Variants in QRICH2 observed in about 807,000 individuals in gnomAD.
QRICH2 encodes the protein glutamine-rich protein 2.
In QRICH2, 119 loss-of-function variants were observed where a neutral mutation model predicts 168.3. The ratio of observed to expected loss-of-function variants is 0.71; its 90% CI spans 0.61 to 0.82. The LOEUF (loss-of-function observed/expected upper bound fraction) is 0.82, where lower values mean the gene tolerates loss of function less well. Among genes scored for constraint, QRICH2 ranks in the 40% least tolerant of loss-of-function variants. The pLI is 0.00. For missense variants in QRICH2, 2,241 were observed against 2,491.6 expected, an observed-to-expected ratio of 0.90 and a Z score of 2.14; for synonymous variants, 894 against 951.2, an observed-to-expected ratio of 0.94 and a Z score of 1.11.
chr17:76,276,360 G>A (rs1244251398), intron 17 of QRICH2, among the ~76,000 whole-genome samples: 1 of 152,218 alleles, frequency 6.6e-6, no homozygotes, highest in South Asian at 2.1e-4. Context: ...GCACTGTGCT[G>A]AGTTTTGAAG....
At chr17:76,296,461 G>C (rs1351474839) in intron 3 of QRICH2, among the ~76,000 whole-genome samples, 1 of 152,100 alleles carries the variant, frequency 6.6e-6, no homozygotes, top group African/African-American at 2.4e-5. Context: ...GGGAGATTCA[G>C]GCAACTGAAG....
intron 18 of QRICH2, among the ~76,000 whole-genome samples, 182 bp from the exon 19 acceptor site, chr17:76,274,442 A>G (rs2070636686): frequency 6.6e-6 from 1 of 152,232 alleles, no homozygotes. Context: ...GCTCCTAAGC[A>G]GTCATGAAGC....
intron 4 of QRICH2, 149 bp from the exon 5 acceptor site, chr17:76,290,226 A>G (rs1598489527): frequency 5.5e-6 from 3 of 540,674 alleles, no homozygotes; most frequent in Admixed American, 3.0e-5. Context: ...TGGGAAAGGG[A>G]GGTGGGAAGA....
intron 17 of QRICH2, among the ~76,000 whole-genome samples, 162 bp from the exon 18 acceptor site, chr17:76,276,109 G>A (rs377078417): frequency 1.3e-5 from 2 of 151,106 alleles, no homozygotes; most frequent in Admixed American, 6.6e-5. Context: ...CCAGAGAAGC[G>A]GTCTTCATTC....
chr17:76,277,134 T>A (rs779670606), intron 16 of QRICH2, 29 bp downstream of exon 16: 2 of 1,523,958 alleles, frequency 1.3e-6, no homozygotes, highest in South Asian at 1.3e-5. Context: ...AGGGCCTCCC[T>A]CCCTGGTGGC....
At chr17:76,305,550 C>A (rs1340551916) in intron 1 of QRICH2, among the ~76,000 whole-genome samples, 1 of 152,276 alleles carries the variant, frequency 6.6e-6, no homozygotes, top group South Asian at 2.1e-4. Flanking sequence ...AGTGGGGGAC[C>A]TGGCTGGTAG....
intron 7 of QRICH2, among the ~76,000 whole-genome samples, chr17:76,282,404 CTT>C (rs2070806766): frequency 6.6e-6 from 1 of 152,224 alleles, no homozygotes; most frequent in Non-Finnish European, 1.5e-5. Flanking sequence ...GAGAACATCT[CTT>C]CTTTAGCTAA....
chr17:76,287,122 G>A (rs2143241445), intron 7 of QRICH2, 70 bp downstream of exon 7: 1 of 937,476 alleles, frequency 1.1e-6, no homozygotes, highest in East Asian at 2.7e-5. Flanking sequence ...ATGAGAGGTG[G>A]GAGGGCAGGG....
In QRICH2 at chr17:76,281,757, C is replaced by G; in HGVS notation, c.4263+107G>C. 7.0e-7 allele frequency: 1 copy of G among 1,422,658 alleles called. No individual in the cohort carries two copies. The highest frequency in any genetic ancestry group is 9.7e-7 in the Non-Finnish European group (1 of 1,033,834). The allele number at this position is 1,422,658 out of a possible 1,614,324, so 88.1% of individuals were successfully genotyped here. ...AAAGGGCTCCGCCACGGAGAGCTGA[C>G]CTTGAGGCCCAAACACCCGCCCCAC... On this transcript the variant is annotated intron_variant, in intron 8 of 18. Coordinates refer to ENST00000680821, the MANE Select transcript of QRICH2 (RefSeq NM_001388453.1). This position sits in a 1 kb window ranked among gnomAD's most constrained non-coding sequence, Gnocchi z 4.4.
In QRICH2 at chr17:76,292,629, C is replaced by T; in HGVS notation, c.2098G>A (p.Val700Met). 1.2e-6 allele frequency: 2 copies of T among 1,611,030 alleles called. No homozygotes were observed. Among genetic ancestry groups the T allele is most frequent in the Non-Finnish European group, 1.7e-6 (2 of 1,179,152 alleles). ...LVQPGADQID[V>M]VQPGADQHGL... The stretch of plus-strand genomic sequence containing the variant: ...TGCTGATCTGCACCAGGTTGCACCA[C>T]ATCAATCTGATCTGCACCAGGTTGG... Residue 700 changes from valine to methionine, a missense_variant, in exon 4 of 19, where the codon GTG becomes ATG. Coordinates refer to ENST00000680821, the MANE Select transcript of QRICH2 (RefSeq NM_001388453.1).
intron 16 of QRICH2, 115 bp downstream of exon 16, chr17:76,277,048 G>T: frequency 1.7e-6 from 2 of 1,152,592 alleles, no homozygotes; most frequent in South Asian, 3.2e-5. Flanking sequence ...GTCTGATTAA[G>T]GAATTGCCTC....
chr17:76,292,182 G>A lies in QRICH2; in HGVS notation c.2545C>T (p.His849Tyr), dbSNP rs573451023. 2.2e-5 allele frequency: 33 copies of A among 1,500,728 alleles called. No individual in the cohort carries two copies. The highest frequency in any genetic ancestry group is 3.5e-4 in the Middle Eastern group (2 of 5,670). The allele number at this position is 1,500,728 out of a possible 1,614,324, so 93.0% of individuals were successfully genotyped here. ...RGLVQPGAVQ[H>Y]GLVQPGADQR... ...TCTGCACCAGGTTGGACCAAACCAT[G>A]CTGAACTGCACCAGGTTGGACCAAA... The change falls in exon 4 of 19, where the codon CAT (histidine) becomes TAT (tyrosine). Residue 849 changes from histidine (H) to tyrosine (Y), a missense_variant. By Grantham distance (83) the His-to-Tyr change is moderately conservative. Transcript: ENST00000680821.
In QRICH2 at chr17:76,284,168, CAAAAAAAAAAAAA is replaced by C. The variant is rs61553346; in HGVS notation, c.4012-2066_4012-2054del. Among the ~76,000 whole-genome samples the C allele has an allele frequency of 1.7e-3, 109 of 62,750 alleles. 8 individuals are homozygous for C. In the South Asian group the frequency reaches 0.037, roughly 22 times the overall value. 41.2% of individuals were successfully genotyped at this position (62,750 alleles called of 152,430 possible). Reference sequence around the variant, plus strand: ...GGGCAACAGAGCAAAACTCTGTCTCCAAAAAAAAAAAAAAAAAAAAAAAAAAAATGCACAAAGA... The same window carrying C: ...GGGCAACAGAGCAAAACTCTGTCTCCAAAAAAAAAAAAAAATGCACAAAGA... On this transcript the variant is annotated intron_variant, in intron 7 of 18. Coordinates refer to ENST00000680821, the MANE Select transcript of QRICH2 (RefSeq NM_001388453.1).
chr17:76,274,403 G>A (rs2070635616), intron 18 of QRICH2, 143 bp from the exon 19 acceptor site: 1 of 356,122 alleles, frequency 2.8e-6, no homozygotes, highest in African/African-American at 2.2e-5. Flanking sequence ...AGCTGCCGGG[G>A]CCGGGGGGCA....
chr17:76,300,515 G>A (rs893798611), intron 3 of QRICH2, among the ~76,000 whole-genome samples: 4 of 152,144 alleles, frequency 2.6e-5, no homozygotes, highest in Admixed American at 6.5e-5. Flanking sequence ...GGTTGGTAGA[G>A]TCCTTTAGCA....
At chr17:76,310,051 T>C (rs2071053519), upstream of QRICH2, 1 of 150,664 alleles carries the variant, frequency 6.6e-6, no homozygotes. Context: ...AGTGGCACAA[T>C]CTCAGCTCAC....
In QRICH2 at chr17:76,275,908, G is replaced by T. The variant is rs891345359; in HGVS notation, c.5393C>A (p.Pro1798His). 4 of 1,609,012 alleles carry T rather than the reference G, an allele frequency of 2.5e-6. No individual in the cohort carries two copies. Among genetic ancestry groups the T allele is most frequent in the Non-Finnish European group, 3.4e-6 (4 of 1,179,928 alleles). ...GAGGGATGGCGGCCTGTGCACGTGG[G>T]GCCTGGGCTGCTGGGACTTGCGCTT... ...TSKRKSQQPRPHVHRPPSLSS... is the reference protein window; with the variant it reads ...TSKRKSQQPRHHVHRPPSLSS... Residue 1798 changes from proline (P) to histidine (H), a missense_variant, in exon 18 of 19, where the codon CCC becomes CAC. By Grantham distance (77) the Pro-to-His change is moderately conservative. Transcript: ENST00000680821.
At chr17:76,287,087 C>CACACACACACACACACACAT (rs1420517359) in intron 7 of QRICH2, 105 bp downstream of exon 7, 3 of 301,910 alleles carry the variant, frequency 9.9e-6, no homozygotes, top group Non-Finnish European at 1.7e-5. Flanking sequence ...CACACACACA[C>CACACACACACACACACACAT]ATGATGGGAG....
rs919569146 is a variant in QRICH2, at chr17:76,293,075, A to G, written c.1652T>C (p.Val551Ala). ...GCCAGTTGCTTCCAAACTGGGCTGC[A>G]CAAAACCTTGCTGATCTGCACTAAT... Reference protein sequence around the residue: ...MPISADQQGFVQPSLEATGFI... With the variant: ...MPISADQQGFAQPSLEATGFI... Residue 551 changes from valine to alanine, a missense_variant, in exon 4 of 19, where the codon GTG becomes GCG. This residue lies in a region of QRICH2 where 2,047 missense variants were observed against 2,303.8 expected (regional missense o/e 0.89). Coordinates refer to ENST00000680821, the MANE Select transcript of QRICH2 (RefSeq NM_001388453.1). 1 of 1,614,248 alleles carries G rather than the reference A, an allele frequency of 6.2e-7. No individual in the cohort carries two copies. Among genetic ancestry groups the G allele is most frequent in the African/African-American group, 1.3e-5 (1 of 75,068 alleles).
Sources: gnomAD v4.1 joint callset for allele counts (sites outside exome capture counted in the v4.1 genomes callset) on GRCh38, gnomAD v4.1.1 for gene constraint, gnomAD v4.1.1 regional missense constraint, Gnocchi (gnomAD v3.1) non-coding constraint, MANE v1.5 for transcripts, NCBI Gene and HGNC (gene_info 2026-07-23, HGNC 2026-07-21) for gene names.